PACS2: variants seen among roughly 807,000 people sequenced by gnomAD.
PACS2 encodes the protein phosphofurin acidic cluster sorting protein 2.
PACS2 carries 36 observed loss-of-function variants against 113.0 expected under a neutral mutation model. The ratio of observed to expected loss-of-function variants is 0.32; its 90% CI spans 0.24 to 0.42. The LOEUF is 0.42. PACS2 is among the 10% of genes least tolerant of loss of function. The pLI is 1.00. For synonymous variants in PACS2, 589 were observed against 536.1 expected (o/e 1.10, Z -1.36); for missense variants, 1,015 against 1,239.5 (o/e 0.82, Z 2.72).
intron 1 of PACS2, among the ~76,000 whole-genome samples, chr14:105,327,443 C>G (rs1189428003): frequency 3.9e-5 from 6 of 152,176 alleles, no homozygotes; most frequent in Admixed American, 2.6e-4. Flanking sequence ...CTCAGACCCT[C>G]GGCAAGTGGT....
rs587640790 is a variant in PACS2, at chr14:105,384,933, A to C, written c.1946A>C (p.Asn649Thr). The change falls in exon 18 of 25, where the codon AAC (asparagine) becomes ACC (threonine). Residue 649 changes from asparagine (N) to threonine (T), a missense_variant. Coordinates refer to ENST00000447393, the MANE Select transcript of PACS2 (RefSeq NM_001100913.3). ...ATCACGCAGTACATCGCAGGGGCCA[A>C]CTGTGCCCACCAGCTCCCCATCGCA... Reference protein sequence around the residue: ...SRITQYIAGANCAHQLPIAEA... With the variant: ...SRITQYIAGATCAHQLPIAEA... 6.2e-7 allele frequency: 1 copy of C among 1,601,696 alleles called. No individual in the cohort carries two copies. Among genetic ancestry groups the C allele is most frequent in the South Asian group, 1.1e-5 (1 of 88,954 alleles).
chr14:105,390,932 A>G (rs1447930313), intron 20 of PACS2: 2 of 525,846 alleles, frequency 3.8e-6, no homozygotes, highest in Non-Finnish European at 6.8e-6. Flanking sequence ...TTTACTGCAC[A>G]CATAGTTTGC....
intron 4 of PACS2, among the ~76,000 whole-genome samples, chr14:105,361,320 GCTGTCT>G (rs1433112277): frequency 1.3e-5 from 2 of 151,634 alleles, no homozygotes; most frequent in Non-Finnish European, 2.9e-5. Context: ...ATGGTGAAAC[GCTGTCT>G]CTGCTAAAAA....
At chr14:105,313,195 C>T (rs1302184731), upstream of PACS2, among the ~76,000 whole-genome samples, 3 of 152,230 alleles carry the variant, frequency 2.0e-5, no homozygotes, top group East Asian at 1.9e-4. Context: ...GCGGCCCATC[C>T]GTCTGACTGC....
At chr14:105,303,972 G>A (rs1190668015) in intron 1 of PACS2, among the ~76,000 whole-genome samples, 1 of 152,246 alleles carries the variant, frequency 6.6e-6, no homozygotes, top group Non-Finnish European at 1.5e-5. Context: ...CTGAGGCCAT[G>A]TGGCCACTGG....
chr14:105,364,890 G>A (rs1257950998), intron 4 of PACS2, among the ~76,000 whole-genome samples: 3 of 151,956 alleles, frequency 2.0e-5, no homozygotes, highest in Non-Finnish European at 4.4e-5. Context: ...AGAGATAAGA[G>A]TTTCGCCATG....
chr14:105,350,096 C>T (rs2060111341), intron 2 of PACS2, among the ~76,000 whole-genome samples: 1 of 151,794 alleles, frequency 6.6e-6, no homozygotes, highest in South Asian at 2.1e-4. Flanking sequence ...AAGCGTCTCT[C>T]CGCCTGTCCT....
At position 105,329,428 on chromosome 14, in the gene PACS2, G is replaced by T. The variant is rs2059222219; in HGVS notation, c.119+14391G>T. Among the ~76,000 whole-genome samples the T allele has an allele frequency of 6.6e-6, 1 of 152,184 alleles. No individual in the cohort carries two copies. The highest frequency in any genetic ancestry group is 2.4e-5 in the African/African-American group (1 of 41,440). ...CTGCTGTCACCTGCCTGCTGCTCCT[G>T]CCCCACCAGAACCATCCTGAGTCCA... On this transcript the variant is annotated intron_variant, in intron 1 of 24. Transcript: ENST00000447393. This position sits in a 1 kb window ranked among gnomAD's most constrained non-coding sequence, Gnocchi z 6.4.
At chr14:105,375,457 A>G (rs1296353270) in intron 8 of PACS2, among the ~76,000 whole-genome samples, 2 of 150,042 alleles carry the variant, frequency 1.3e-5, no homozygotes, top group African/African-American at 5.0e-5. Flanking sequence ...CAGCCTGGGC[A>G]ACAGACAGTG....
chr14:105,349,092 G>T (rs2060052808), intron 2 of PACS2, among the ~76,000 whole-genome samples: 3 of 152,190 alleles, frequency 2.0e-5, no homozygotes, highest in Admixed American at 2.0e-4. Flanking sequence ...GGTCATGCTG[G>T]TGTCTTCCCC....
intron 22 of PACS2, chr14:105,392,301 T>C: frequency 5.0e-6 from 2 of 397,420 alleles, no homozygotes; most frequent in Non-Finnish European, 4.6e-6. Flanking sequence ...AGCCGCCGGC[T>C]CCTTCCAGGC....
At chr14:105,318,049 C>G (rs1283942602) in intron 1 of PACS2, among the ~76,000 whole-genome samples, 1 of 152,208 alleles carries the variant, frequency 6.6e-6, no homozygotes, top group Non-Finnish European at 1.5e-5. Context: ...CTGAGCGCCC[C>G]CACCTGCTCT....
At chr14:105,350,721 T>C (rs1314747568) in intron 2 of PACS2, among the ~76,000 whole-genome samples, 2 of 152,200 alleles carry the variant, frequency 1.3e-5, no homozygotes, top group Non-Finnish European at 2.9e-5. Context: ...GCACACACTG[T>C]CCTTTTCCCG....
At chr14:105,373,861 G>A (rs143109948) in intron 8 of PACS2, among the ~76,000 whole-genome samples, 3 of 152,012 alleles carry the variant, frequency 2.0e-5, no homozygotes, top group Admixed American at 1.3e-4. Flanking sequence ...AGCTGGGTGC[G>A]GTGGCTCACG....
chr14:105,368,025 C>T, intron 5 of PACS2, 49 bp from the exon 6 acceptor site: 1 of 1,297,588 alleles, frequency 7.7e-7, no homozygotes. Context: ...TGCCTGGTTT[C>T]CCGGGTGGAA....
At chr14:105,321,938 T>G (rs1314891317) in intron 1 of PACS2, among the ~76,000 whole-genome samples, 1 of 152,048 alleles carries the variant, frequency 6.6e-6, no homozygotes, top group Middle Eastern at 3.2e-3. Flanking sequence ...ACTCTGACCT[T>G]TTCTGACTTT....
At chr14:105,353,994 G>T (rs1555404785) in intron 3 of PACS2, among the ~76,000 whole-genome samples, 1 of 151,902 alleles carries the variant, frequency 6.6e-6, no homozygotes, top group Non-Finnish European at 1.5e-5. Flanking sequence ...GGTGGCAGGA[G>T]AATCGCTTGA....
rs587737454 is a variant in PACS2 at position 105,395,717 on chromosome 14, G to T, written c.*1045G>T. Reference sequence around the variant, plus strand: ...AGCCGTGGGTGCAGCCAGGTACCCCGTGCAGGGCCTGGGAGGCTCTCCAGG... The same window carrying T: ...AGCCGTGGGTGCAGCCAGGTACCCCTTGCAGGGCCTGGGAGGCTCTCCAGG... On this transcript the variant is annotated 3_prime_UTR_variant, in exon 25 of 25. Transcript: ENST00000447393. 6.6e-6 allele frequency: 1 copy of T among 152,362 alleles called. No homozygotes were observed. Among genetic ancestry groups the T allele is most frequent in the East Asian group, 1.9e-4 (1 of 5,204 alleles). The allele number at this position is 152,362 out of a possible 1,614,324, so 9.4% of individuals were successfully genotyped here.
chr14:105,302,005 G>C (rs1414227635), intron 1 of PACS2, among the ~76,000 whole-genome samples: 1 of 152,086 alleles, frequency 6.6e-6, no homozygotes, highest in Non-Finnish European at 1.5e-5. Context: ...CAGGCTTGGT[G>C]GTGGGCGCCT....
Sources: allele counts gnomAD v4.1 joint callset (sites outside exome capture counted in the v4.1 genomes callset), GRCh38; gene constraint gnomAD v4.1.1; non-coding constraint Gnocchi (gnomAD v3.1); transcripts MANE v1.5; gene names NCBI Gene and HGNC (gene_info 2026-07-23, HGNC 2026-07-21).